ZNF460: variants seen among roughly 807,000 people sequenced by gnomAD.
ZNF460 encodes the protein zinc finger protein 460.
In ZNF460, 1 loss-of-function variant was observed where a neutral mutation model predicts 8.4. That is an observed-to-expected ratio of 0.12 (90% confidence interval 0.04 to 0.56). The LOEUF is 0.56. Among genes scored for constraint, ZNF460 ranks in the 20% least tolerant of loss-of-function variants. The pLI is 0.91. For missense variants in ZNF460, 477 were observed against 714.8 expected, an observed-to-expected ratio of 0.67 and a Z score of 3.79; for synonymous variants, 262 against 259.9, an observed-to-expected ratio of 1.01 and a Z score of -0.08.
Position 57,293,100 on chromosome 19 carries a change from A to G in ZNF460, c.*870A>G, listed in dbSNP as rs2087930953. On this transcript the variant is annotated 3_prime_UTR_variant, in exon 3 of 3. Transcript: ENST00000360338. ...TGGAGATGATATTGTAGCTGTTTGT[A>G]CATAATGTAATCCAGGGAGTCCTAA... 6.6e-6 allele frequency: 1 copy of G among 152,168 alleles called. No individual in the cohort carries two copies. The highest frequency in any genetic ancestry group is 1.5e-5 in the Non-Finnish European group (1 of 68,034). 9.4% of individuals were successfully genotyped at this position (152,168 alleles called of 1,614,324 possible).
At chr19:57,284,527 T>C in intron 1 of ZNF460, 24 bp from the exon 2 acceptor site, 1 of 1,607,760 alleles carries the variant, frequency 6.2e-7, no homozygotes, top group Non-Finnish European at 8.5e-7. Context: ...AAGGAAACAT[T>C]ACTGGTTCTT....
intron 2 of ZNF460, among the ~76,000 whole-genome samples, chr19:57,286,878 C>T (rs1014863363): frequency 1.9e-4 from 28 of 150,984 alleles, no homozygotes; most frequent in Admixed American, 1.6e-3. Context: ...GCAGGCGAAT[C>T]GCTTGAACTC....
At position 57,280,602 on chromosome 19, in the gene ZNF460, T is replaced by A; in HGVS notation, c.-205T>A. The A allele has an allele frequency of 1.6e-6, 1 of 630,188 alleles. No homozygotes were observed. Among genetic ancestry groups the A allele is most frequent in the South Asian group, 2.0e-5 (1 of 50,810 alleles). The allele number at this position is 630,188 out of a possible 1,614,324, so 39.0% of individuals were successfully genotyped here. ...TGGCGGGAGCCTGACGCCCCGCTTC[T>A]CCCCTAACGAGGTGTCCCACCGGCG... On this transcript the variant is annotated 5_prime_UTR_variant, in exon 1 of 3. Coordinates refer to ENST00000360338, the MANE Select transcript of ZNF460 (RefSeq NM_006635.4).
intron 1 of ZNF460, among the ~76,000 whole-genome samples, chr19:57,283,172 T>C (rs2087852810): frequency 1.3e-5 from 2 of 151,546 alleles, no homozygotes; most frequent in Non-Finnish European, 2.9e-5. Flanking sequence ...CAAACAGTTT[T>C]TCTTTCTTTC....
chr19:57,289,166 G>A (rs1423225545), intron 2 of ZNF460, among the ~76,000 whole-genome samples: 4 of 152,072 alleles, frequency 2.6e-5, no homozygotes, highest in Admixed American at 1.3e-4. Context: ...TCAAGATCCA[G>A]TTGTTTGTTA....
chr19:57,289,465 T>G (rs1313317847), intron 2 of ZNF460, among the ~76,000 whole-genome samples: 1 of 152,212 alleles, frequency 6.6e-6, no homozygotes, highest in South Asian at 2.1e-4. Context: ...CTTCTAACTT[T>G]AAGCTCATGA....
intron 1 of ZNF460, among the ~76,000 whole-genome samples, chr19:57,283,539 C>T (rs1457807937): frequency 8.8e-6 from 1 of 113,380 alleles, no homozygotes; most frequent in Non-Finnish European, 1.7e-5. Context: ...GACAGAGGCT[C>T]GCTCTGTTCT....
intron 2 of ZNF460, among the ~76,000 whole-genome samples, chr19:57,286,294 A>G (rs2122888452): frequency 6.6e-6 from 1 of 151,644 alleles, no homozygotes; most frequent in East Asian, 1.9e-4. Context: ...TATTATATCT[A>G]CTGTGGTGGT....
rs200617238 is a variant in ZNF460 at position 57,290,686 on chromosome 19, G to A, written c.158-13G>A. On this transcript the variant is annotated splice_polypyrimidine_tract_variant and intron_variant, in intron 2 of 2. Transcript: ENST00000360338. ...ATCTTAATAAGTTCTTTTGTGTATT[G>A]TGTTCCCTTCAGGTGACAGCACAAA... is the stretch of plus-strand genomic sequence containing the variant. 847 of 1,603,244 alleles carry A rather than the reference G, an allele frequency of 5.3e-4. 4 individuals are homozygous for A. The African/African-American group carries it at 9.9e-3, about 19-fold the overall frequency.
rs768431883 is a variant in ZNF460 at position 57,290,818 on chromosome 19, G to A, written c.277G>A (p.Ala93Thr). Residue 93 changes from alanine (A) to threonine (T), a missense_variant, in exon 3 of 3, where the codon GCC (alanine) becomes ACC (threonine). Physicochemically the swap from Ala to Thr is moderately conservative, Grantham distance 58 (BLOSUM62 0). Coordinates refer to ENST00000360338, the MANE Select transcript of ZNF460 (RefSeq NM_006635.4). ...CCCAAGATACTCCTATTTGGGGCAG[G>A]CCATGGATCAAGATGGGCCATCTGA... ...GVPRYSYLGQ[A>T]MDQDGPSEMQ... 1.4e-5 allele frequency: 23 copies of A among 1,614,048 alleles called. No homozygotes were observed. Among genetic ancestry groups the A allele is most frequent in the Non-Finnish European group, 1.7e-5 (20 of 1,180,050 alleles).
At chr19:57,288,882 TTTA>T (rs2087896803) in intron 2 of ZNF460, among the ~76,000 whole-genome samples, 2 of 151,404 alleles carry the variant, frequency 1.3e-5, no homozygotes, top group Non-Finnish European at 2.9e-5. Flanking sequence ...ATTCTTTTTA[TTTA>T]TTATTATTAC....
rs1225187314 is a variant in ZNF460, at chr19:57,292,930, A to C, written c.*700A>C. ...ATTTAAGGAGATAAAGGATGTACATATGAATGGGCACATTTTACTGCACAC... is the reference window on the plus strand; with the variant it reads ...ATTTAAGGAGATAAAGGATGTACATCTGAATGGGCACATTTTACTGCACAC... On this transcript the variant is annotated 3_prime_UTR_variant, in exon 3 of 3. Coordinates refer to ENST00000360338, the MANE Select transcript of ZNF460 (RefSeq NM_006635.4). The C allele has an allele frequency of 6.6e-6, 1 of 152,336 alleles. No homozygotes were observed. Among genetic ancestry groups the C allele is most frequent in the African/African-American group, 2.4e-5 (1 of 41,586 alleles). 9.4% of individuals were successfully genotyped at this position (152,336 alleles called of 1,614,324 possible). A position where few individuals can be genotyped will look rare whatever the true frequency, so the allele number is the denominator to read the frequency against.
Position 57,284,529 on chromosome 19 carries a change from C to T in ZNF460, c.31-22C>T, listed in dbSNP as rs538744625. Reference sequence around the variant, plus strand: ...TTCCACAGTTGCAAAGGAAACATTACTGGTTCTTTTTGACTTTTCAGGAGT... The same window carrying T: ...TTCCACAGTTGCAAAGGAAACATTATTGGTTCTTTTTGACTTTTCAGGAGT... On this transcript the variant is annotated intron_variant, in intron 1 of 2. Coordinates refer to ENST00000360338, the MANE Select transcript of ZNF460 (RefSeq NM_006635.4). The T allele has an allele frequency of 7.5e-6, 12 of 1,607,642 alleles. 1 individual carries two copies. In the South Asian group the frequency reaches 1.2e-4, roughly 16 times the overall value.
rs1027008113 is a variant in ZNF460, at chr19:57,293,088, G to T, written c.*858G>T. 6.6e-6 allele frequency: 1 copy of T among 152,102 alleles called. No homozygotes were observed. Among genetic ancestry groups the T allele is most frequent in the African/African-American group, 2.4e-5 (1 of 41,408 alleles). The allele number at this position is 152,102 out of a possible 1,614,324, so 9.4% of individuals were successfully genotyped here. On this transcript the variant is annotated 3_prime_UTR_variant, in exon 3 of 3. Coordinates refer to ENST00000360338, the MANE Select transcript of ZNF460 (RefSeq NM_006635.4). Reference sequence around the variant, plus strand: ...TTTTCTGTAGGATGGAGATGATATTGTAGCTGTTTGTACATAATGTAATCC... The same window carrying T: ...TTTTCTGTAGGATGGAGATGATATTTTAGCTGTTTGTACATAATGTAATCC...
In ZNF460 at chr19:57,288,976, C is replaced by G. The variant is rs1352137525; in HGVS notation, c.158-1723C>G. On this transcript the variant is annotated intron_variant, in intron 2 of 2. Coordinates refer to ENST00000360338, the MANE Select transcript of ZNF460 (RefSeq NM_006635.4). ...CTCCTGGGCTCAGCTTCCCGAGTAG[C>G]CAGGATTACAGGCAGTACCTTTCAG... 3.3e-5 allele frequency among the ~76,000 whole-genome samples: 5 copies of G among 151,336 alleles called. No individual in the cohort carries two copies. In the South Asian group the frequency reaches 1.0e-3, roughly 32 times the overall value.
rs932156767 is a variant in ZNF460 at position 57,292,262 on chromosome 19, A to G, written c.*32A>G. Reference sequence around the variant, plus strand: ...TGGAAAGACTTTTTACGTACACTTCAGTCAACATCCAAGAATTCCTATTAG... The same window carrying G: ...TGGAAAGACTTTTTACGTACACTTCGGTCAACATCCAAGAATTCCTATTAG... On this transcript the variant is annotated 3_prime_UTR_variant, in exon 3 of 3. Coordinates refer to ENST00000360338, the MANE Select transcript of ZNF460 (RefSeq NM_006635.4). 3.2e-6 allele frequency: 5 copies of G among 1,561,986 alleles called. No homozygotes were observed. In the African/African-American group the frequency reaches 6.8e-5, roughly 21 times the overall value.
chr19:57,292,224 A>C lies in ZNF460; in HGVS notation c.1683A>C (p.Pro561=), dbSNP rs749061728. 1.2e-6 allele frequency: 2 copies of C among 1,608,420 alleles called. No homozygotes were observed. The highest frequency in any genetic ancestry group is 3.3e-5 in the Admixed American group (2 of 59,746). The change falls in exon 3 of 3, where the codon CCA becomes CCC. Residue 561 remains proline, a synonymous_variant. Coordinates refer to ENST00000360338, the MANE Select transcript of ZNF460 (RefSeq NM_006635.4). The stretch of plus-strand genomic sequence containing the variant: ...GATTCATAGTGGAAGAAACCCTACC[A>C]TTGTAACAGATGTGGAAAGACTTTT... ...INGFIVEETL[P]L
At position 57,291,543 on chromosome 19, in the gene ZNF460, G is replaced by A. The variant is rs36032958; in HGVS notation, c.1002G>A (p.Arg334=). ...IQHFIIHTGE[R]PFKCLECGKA... is the part of the protein sequence containing the mutation. ...ACTTCATTATCCATACTGGGGAGAG[G>A]CCCTTTAAGTGCCTTGAGTGTGGGA... is the stretch of plus-strand genomic sequence containing the variant. Residue 334 remains arginine (R), a synonymous_variant, in exon 3 of 3, where the codon AGG becomes AGA. Transcript: ENST00000360338. The surrounding 1 kb of genome is among the most constrained non-coding windows in gnomAD (Gnocchi z 8.4). 105,540 of 1,613,950 alleles carry A rather than the reference G, an allele frequency of 0.065. 3,929 individuals are homozygous for A. The highest frequency in any genetic ancestry group is 0.081 in the Middle Eastern group (489 of 6,062).
intron 1 of ZNF460, among the ~76,000 whole-genome samples, chr19:57,284,192 CTTTATTTA>C (rs10558874): frequency 6.7e-5 from 10 of 148,908 alleles, no homozygotes; most frequent in South Asian, 4.3e-4. Context: ...GCCTAGGAGG[CTTTATTTA>C]TTTATTTATT....
Sources: allele counts gnomAD v4.1 joint callset (sites outside exome capture counted in the v4.1 genomes callset), GRCh38; gene constraint gnomAD v4.1.1; non-coding constraint Gnocchi (gnomAD v3.1); transcripts MANE v1.5; gene names NCBI Gene and HGNC (gene_info 2026-07-23, HGNC 2026-07-21).